BIRC6: variants seen among roughly 807,000 people sequenced by gnomAD.
BIRC6 encodes dual E2 ubiquitin-conjugating enzyme/E3 ubiquitin-protein ligase BIRC6.
In BIRC6, 98 loss-of-function variants were observed where a neutral mutation model predicts 503.3. That is an observed-to-expected ratio of 0.19 (90% confidence interval 0.17 to 0.23). The LOEUF is 0.23. Ranked by LOEUF, BIRC6 falls within the 10% of genes least tolerant of loss-of-function variation. The pLI is 1.00. For missense variants in BIRC6, 5,360 were observed against 5,806.0 expected (o/e 0.92, Z 2.50); for synonymous variants, 2,240 against 2,078.7 (o/e 1.08, Z -2.11).
chr2:32,504,908 A>G (rs1270551012), intron 49 of BIRC6, 97 bp from the exon 50 acceptor site: 5 of 1,121,122 alleles, frequency 4.5e-6, no homozygotes, highest in South Asian at 1.5e-5. Context: ...CATGTTTTCA[A>G]TTAATTTTTC....
intron 66 of BIRC6, among the ~76,000 whole-genome samples, chr2:32,587,258 G>A (rs1018537206): frequency 3.3e-5 from 5 of 152,104 alleles, no homozygotes; most frequent in South Asian, 2.1e-4. Flanking sequence ...ATGATGGTGC[G>A]CGCCTGTAGT....
chr2:32,431,808 C>T lies in BIRC6; in HGVS notation c.3248+718C>T, dbSNP rs573011958. 5.2e-4 allele frequency among the ~76,000 whole-genome samples: 79 copies of T among 152,228 alleles called. 1 individual carries two copies. In the South Asian group the frequency reaches 0.016, roughly 31 times the overall value. Reference sequence around the variant, plus strand: ...AATGTGGGTCTCATGGAATTTGCCTCCTAATGGCAATAGAAAGTAAACAGA... The same window carrying T: ...AATGTGGGTCTCATGGAATTTGCCTTCTAATGGCAATAGAAAGTAAACAGA... On this transcript the variant is annotated intron_variant, in intron 12 of 73. Transcript: ENST00000421745.
intron 65 of BIRC6, among the ~76,000 whole-genome samples, chr2:32,554,823 G>T (rs1251247819): frequency 6.6e-6 from 1 of 151,740 alleles, no homozygotes; most frequent in Non-Finnish European, 1.5e-5. Flanking sequence ...TACTGTTTGA[G>T]AATAAGGTTA....
chr2:32,377,881 A>G, intron 2 of BIRC6, 112 bp downstream of exon 2: 1 of 899,288 alleles, frequency 1.1e-6, no homozygotes, highest in East Asian at 2.9e-5. Flanking sequence ...ATATTGCTAT[A>G]AAAACAATTT....
intron 1 of BIRC6, among the ~76,000 whole-genome samples, chr2:32,371,872 C>G (rs2036017378): frequency 6.6e-6 from 1 of 152,126 alleles, no homozygotes; most frequent in African/African-American, 2.4e-5. Flanking sequence ...ATGGCGCGAT[C>G]TCGGCTCACT....
intron 2 of BIRC6, among the ~76,000 whole-genome samples, chr2:32,378,644 G>C (rs1328358860): frequency 6.6e-6 from 1 of 151,898 alleles, no homozygotes; most frequent in African/African-American, 2.4e-5. Context: ...TTTTAGTAGA[G>C]ACGGGTTTCA....
In BIRC6 at chr2:32,567,474, T is replaced by G. The variant is rs893157965; in HGVS notation, c.13145-7682T>G. 3.1e-4 allele frequency among the ~76,000 whole-genome samples: 47 copies of G among 152,322 alleles called. 1 individual carries two copies. The highest frequency in any genetic ancestry group is 7.2e-5 in the African/African-American group (3 of 41,576). On this transcript the variant is annotated intron_variant, in intron 65 of 73. Coordinates refer to ENST00000421745, the MANE Select transcript of BIRC6 (RefSeq NM_016252.4). ...AGGACTTGTGTGGCTATGGGACACT[T>G]GAAATGTGGTTAGTGCAACTGAAGA... is the stretch of plus-strand genomic sequence containing the variant.
At chr2:32,402,678 C>A (rs1409895733) in intron 8 of BIRC6, among the ~76,000 whole-genome samples, 7 of 152,124 alleles carry the variant, frequency 4.6e-5, no homozygotes, top group Non-Finnish European at 1.0e-4. Flanking sequence ...GGGAAAGCAG[C>A]TTAACTGTTG....
chr2:32,510,139 C>A, intron 52 of BIRC6, 145 bp downstream of exon 52: 1 of 1,035,376 alleles, frequency 9.7e-7, no homozygotes, highest in Non-Finnish European at 1.4e-6. Context: ...CTGATGGAGT[C>A]TCACTCTGTT....
intron 73 of BIRC6, among the ~76,000 whole-genome samples, chr2:32,616,128 G>T (rs1411855878): frequency 6.6e-6 from 1 of 152,050 alleles, no homozygotes; most frequent in African/African-American, 2.4e-5. Flanking sequence ...ACTCAATTTT[G>T]TAAAAAGTTC....
intron 21 of BIRC6, among the ~76,000 whole-genome samples, chr2:32,447,440 C>T (rs1281002890): frequency 6.7e-6 from 1 of 148,186 alleles, no homozygotes; most frequent in Non-Finnish European, 1.5e-5. Context: ...GCTGACCCCC[C>T]ACCTCCCTCC....
intron 6 of BIRC6, among the ~76,000 whole-genome samples, chr2:32,398,732 G>A (rs1396257428): frequency 6.6e-6 from 1 of 152,048 alleles, no homozygotes; most frequent in Non-Finnish European, 1.5e-5. Flanking sequence ...ATATAGCCGC[G>A]TGTAACTTAT....
At chr2:32,584,358 C>T (rs570737630) in intron 66 of BIRC6, among the ~76,000 whole-genome samples, 13 of 152,142 alleles carry the variant, frequency 8.5e-5, no homozygotes, top group African/African-American at 3.1e-4. Context: ...GGTGAAACCC[C>T]ATCTCTACTG....
intron 61 of BIRC6, among the ~76,000 whole-genome samples, chr2:32,535,953 C>T (rs899590805): frequency 1.5e-4 from 23 of 152,192 alleles, no homozygotes; most frequent in Admixed American, 2.0e-4. Context: ...TTCTCCACAT[C>T]CTCTCCAGCA....
At position 32,617,914 on chromosome 2, in the gene BIRC6, A is replaced by ATGTGGAC; in HGVS notation, c.*12_*18dup. ...TGACTTCCAGTTATGAGCTGCATTG[A>ATGTGGAC]TGTGGACTTCATAGACACAAAGGCT... is the stretch of plus-strand genomic sequence containing the variant. On this transcript the variant is annotated 3_prime_UTR_variant, in exon 74 of 74. Coordinates refer to ENST00000421745, the MANE Select transcript of BIRC6 (RefSeq NM_016252.4). 1 of 1,604,096 alleles carries ATGTGGAC rather than the reference A, an allele frequency of 6.2e-7. No individual in the cohort carries two copies. The highest frequency in any genetic ancestry group is 8.5e-7 in the Non-Finnish European group (1 of 1,172,604).
rs780576058 is a variant in BIRC6, at chr2:32,479,553, C to G, written c.7344C>G (p.Ser2448=). 1 of 1,608,640 alleles carries G rather than the reference C, an allele frequency of 6.2e-7. No individual in the cohort carries two copies. The highest frequency in any genetic ancestry group is 1.7e-5 in the Admixed American group (1 of 59,450). The change falls in exon 37 of 74, where the codon TCC becomes TCG. Residue 2448 remains serine (S), a synonymous_variant. Coordinates refer to ENST00000421745, the MANE Select transcript of BIRC6 (RefSeq NM_016252.4). ...VGATAGDSDD[S]LQQSSVQLLE... ...CGACAGCTGGTGACTCTGATGACTC[C>G]CTTCAACAGTCCTCAGTTCAGTTGC...
At chr2:32,404,204 A>G (rs1191471293) in intron 8 of BIRC6, among the ~76,000 whole-genome samples, 3 of 6,422 alleles carry the variant, frequency 4.7e-4, no homozygotes, top group Non-Finnish European at 7.8e-4. Context: ...TGCTGGGATT[A>G]CAGGCGTGAG....
At chr2:32,607,715 T>A in intron 72 of BIRC6, 72 bp downstream of exon 72, 1 of 1,337,220 alleles carries the variant, frequency 7.5e-7, no homozygotes, top group Non-Finnish European at 1.0e-6. Flanking sequence ...TGGTGGCTCA[T>A]GCCTGTAATC....
intron 42 of BIRC6, among the ~76,000 whole-genome samples, chr2:32,489,237 T>A (rs1408630104): frequency 1.3e-5 from 2 of 151,848 alleles, no homozygotes; most frequent in African/African-American, 4.8e-5. Context: ...TAAAGAAAAA[T>A]AAAAATGAGA....
Sources: allele counts gnomAD v4.1 joint callset (sites outside exome capture counted in the v4.1 genomes callset), GRCh38; gene constraint gnomAD v4.1.1; transcripts MANE v1.5; gene names NCBI Gene and HGNC (gene_info 2026-07-23, HGNC 2026-07-21).